The following DENND10 variants were observed in gnomAD, a reference collection of about 807,000 sequenced individuals.
DENND10 encodes DENN domain-containing protein 10.
A neutral mutation model predicts 43.6 loss-of-function variants in DENND10; 24 were observed. That is an observed-to-expected ratio of 0.55 (90% CI 0.40 to 0.77). DENND10 has a LOEUF of 0.77. Ranked by LOEUF, DENND10 falls within the 30% of genes least tolerant of loss-of-function variation. DENND10 has a pLI of 0.00. For synonymous variants in DENND10, 125 were observed against 157.6 expected, an observed-to-expected ratio of 0.79 and a Z score of 1.55; for missense variants, 303 against 429.9, an observed-to-expected ratio of 0.70 and a Z score of 2.61.
intron 1 of DENND10, among the ~76,000 whole-genome samples, chr10:119,104,405 C>T (rs1474815681): frequency 2.6e-5 from 4 of 151,522 alleles, no homozygotes; most frequent in South Asian, 4.1e-4. Context: ...CCCGCCCGCC[C>T]GCGGCCGCCT....
intron 7 of DENND10, among the ~76,000 whole-genome samples, chr10:119,131,810 A>T (rs1846099248): frequency 6.6e-6 from 1 of 152,238 alleles, no homozygotes; most frequent in African/African-American, 2.4e-5. Flanking sequence ...TGCAAAGCGA[A>T]AGTGAAAGAA....
At chr10:119,106,129 AGTTGCAGTGAGCTGAGATCAGAGGTGGAG>A (rs1844685556) in intron 1 of DENND10, among the ~76,000 whole-genome samples, 1 of 152,020 alleles carries the variant, frequency 6.6e-6, no homozygotes, top group African/African-American at 2.4e-5. Context: ...GGGAGGTGGA[AGTTGCAGTGAGCTGAGATCAGAGGTGGAG>A]GTTGCAGTGA....
rs145727222 is a variant in DENND10, at chr10:119,122,222, C to T, written c.594-1247C>T. The stretch of plus-strand genomic sequence containing the variant: ...ACACAGGAGGCTGAGGTGGGAGAAT[C>T]GCTTGAGCCCAGGAGGTGGAGGCTG... On this transcript the variant is annotated intron_variant, in intron 5 of 8. Transcript: ENST00000361432. 1.1e-3 allele frequency among the ~76,000 whole-genome samples: 168 copies of T among 152,264 alleles called. 3 individuals are homozygous for T. The East Asian group carries it at 0.018, about 17-fold the overall frequency.
intron 8 of DENND10, among the ~76,000 whole-genome samples, chr10:119,135,796 A>AAAAAAAAAAAAAAAAAAAAAC: frequency 1.4e-5 from 2 of 147,056 alleles, no homozygotes; most frequent in Non-Finnish European, 3.0e-5. Context: ...AATTGTAAAA[A>AAAAAAAAAAAAAAAAAAAAAC]AAAAAAAAAA....
At chr10:119,126,898 TTTTC>T (rs1376068329) in intron 6 of DENND10, among the ~76,000 whole-genome samples, 1 of 150,222 alleles carries the variant, frequency 6.7e-6, no homozygotes, top group Non-Finnish European at 1.5e-5. Flanking sequence ...TCTCTTTTTC[TTTTC>T]TTTTTTTTTT....
At chr10:119,113,690 C>CG (rs373138278) in intron 3 of DENND10, among the ~76,000 whole-genome samples, 12 of 141,348 alleles carry the variant, frequency 8.5e-5, no homozygotes, top group Admixed American at 2.1e-4. Context: ...CCAAAAGAAG[C>CG]AAAAAAAAAA....
At chr10:119,129,220 A>G (rs975202606) in intron 6 of DENND10, among the ~76,000 whole-genome samples, 2 of 152,180 alleles carry the variant, frequency 1.3e-5, no homozygotes, top group Non-Finnish European at 2.9e-5. Context: ...AGTCCTTGCT[A>G]CCTTCTGCCA....
At chr10:119,106,522 T>A (rs1219703559) in intron 1 of DENND10, among the ~76,000 whole-genome samples, 1 of 152,110 alleles carries the variant, frequency 6.6e-6, no homozygotes, top group Non-Finnish European at 1.5e-5. Context: ...AATTTTTTTT[T>A]TGTAGAGATG....
chr10:119,107,394 ATCTT>A (rs1454112445), intron 1 of DENND10, among the ~76,000 whole-genome samples: 1 of 150,354 alleles, frequency 6.7e-6, no homozygotes, highest in South Asian at 2.1e-4. Context: ...AAACTCTAAC[ATCTT>A]TCTTTGTCTT....
At position 119,111,848 on chromosome 10, in the gene DENND10, G is replaced by A. The variant is rs1327004271; in HGVS notation, c.253-1G>A. On this transcript the variant is annotated splice_acceptor_variant, in intron 2 of 8. Coordinates refer to ENST00000361432, the MANE Select transcript of DENND10 (RefSeq NM_207009.4). LOFTEE classifies it high-confidence loss of function. The stretch of plus-strand genomic sequence containing the variant: ...ATTTTTTTGTTGTTTCTTTTGAACA[G>A]GTGACTCATTTTTCTATTGTCCTGA... 6.2e-7 allele frequency: 1 copy of A among 1,609,852 alleles called. No individual in the cohort carries two copies. Among genetic ancestry groups the A allele is most frequent in the Admixed American group, 1.7e-5 (1 of 59,896 alleles).
At chr10:119,112,599 TC>T (rs1460243400) in intron 3 of DENND10, among the ~76,000 whole-genome samples, 1 of 150,558 alleles carries the variant, frequency 6.6e-6, no homozygotes, top group Non-Finnish European at 1.5e-5. Context: ...ACTCAGGTGA[TC>T]CTCCCACCTC....
Position 119,129,610 on chromosome 10 carries a change from C to G in DENND10, c.790C>G (p.Pro264Ala). Residue 264 changes from proline (P) to alanine (A), a missense_variant, in exon 7 of 9, where the codon CCC (proline) becomes GCC (alanine). Coordinates refer to ENST00000361432, the MANE Select transcript of DENND10 (RefSeq NM_207009.4). ...NLAESEITIA[P>A]LAKEAMAMGK... ...GGCAGAGAGTGAGATTACCATTGCT[C>G]CCCTTGCAAAAGGTTTGTTCTCTGT... 6.2e-7 allele frequency: 1 copy of G among 1,608,210 alleles called. No individual in the cohort carries two copies. The highest frequency in any genetic ancestry group is 8.5e-7 in the Non-Finnish European group (1 of 1,174,686).
At chr10:119,121,445 CTTTTT>C (rs773938225) in intron 5 of DENND10, among the ~76,000 whole-genome samples, 1 of 112,906 alleles carries the variant, frequency 8.9e-6, no homozygotes, top group Non-Finnish European at 1.8e-5. Context: ...CCATTAGGTC[CTTTTT>C]TTTTTTTTTT....
intron 7 of DENND10, 86 bp downstream of exon 7, chr10:119,129,708 G>A (rs1845999085): frequency 1.1e-6 from 1 of 916,404 alleles, no homozygotes; most frequent in East Asian, 2.5e-5. Flanking sequence ...CAGTATGTGA[G>A]GGCTGGCTTA....
chr10:119,110,774 C>A (rs1475439658), intron 2 of DENND10, among the ~76,000 whole-genome samples: 1 of 151,988 alleles, frequency 6.6e-6, no homozygotes, highest in East Asian at 1.9e-4. Flanking sequence ...TATAATAGTA[C>A]TTTTTAGCTT....
intron 8 of DENND10, among the ~76,000 whole-genome samples, chr10:119,135,816 A>AAAAAAAAAAAC (rs869244867): frequency 1.6e-5 from 2 of 127,586 alleles, no homozygotes; most frequent in African/African-American, 5.6e-5. Flanking sequence ...AAAAAAAAAA[A>AAAAAAAAAAAC]CCAAAACCAC....
chr10:119,115,228 G>C (rs922214231), intron 3 of DENND10, among the ~76,000 whole-genome samples: 1 of 151,792 alleles, frequency 6.6e-6, no homozygotes, highest in Non-Finnish European at 1.5e-5. Context: ...CACAACTCCC[G>C]TGACCTCCTT....
intron 4 of DENND10, among the ~76,000 whole-genome samples, chr10:119,118,045 T>G (rs1290502084): frequency 6.6e-6 from 1 of 152,080 alleles, no homozygotes; most frequent in African/African-American, 2.4e-5. Flanking sequence ...AAAAACAGTC[T>G]CATTAGATCC....
In DENND10 at chr10:119,136,902, A is replaced by T; in HGVS notation, c.*255A>T. The T allele has an allele frequency of 2.7e-6, 1 of 374,446 alleles. No individual in the cohort carries two copies. Among genetic ancestry groups the T allele is most frequent in the Non-Finnish European group, 5.0e-6 (1 of 200,216 alleles). 23.2% of individuals were successfully genotyped at this position (374,446 alleles called of 1,614,324 possible). The stretch of plus-strand genomic sequence containing the variant: ...ATAACTACTTTATGTAACATTACAG[A>T]ACAGCTAGAGGTCCTGGGGTAAGAG... On this transcript the variant is annotated 3_prime_UTR_variant, in exon 9 of 9. Coordinates refer to ENST00000361432, the MANE Select transcript of DENND10 (RefSeq NM_207009.4).
Sources: allele counts gnomAD v4.1 joint callset (sites outside exome capture counted in the v4.1 genomes callset), GRCh38; gene constraint gnomAD v4.1.1; transcripts MANE v1.5; gene names NCBI Gene and HGNC (gene_info 2026-07-23, HGNC 2026-07-21).